SKI: variants seen among roughly 807,000 people sequenced by gnomAD.
SKI encodes ski oncogene.
SKI carries 23 observed loss-of-function variants against 59.3 expected under a neutral mutation model. The ratio of observed to expected loss-of-function variants is 0.39; its 90% CI spans 0.28 to 0.55. The LOEUF (loss-of-function observed/expected upper bound fraction) is 0.55. Among genes scored for constraint, SKI ranks in the 20% least tolerant of loss-of-function variants. The pLI, the probability that SKI is intolerant of heterozygous loss-of-function variation, is 0.67. For missense variants in SKI, 1,017 were observed against 1,038.9 expected (o/e 0.98, Z 0.29); for synonymous variants, 673 against 488.6 (o/e 1.38, Z -4.98).
rs541159080 is a variant in SKI at position 2,230,698 on chromosome 1, C to T, written c.969+963C>T. Among the ~76,000 whole-genome samples the T allele has an allele frequency of 2.0e-3, 302 of 152,310 alleles. 7 individuals carry two copies. Among genetic ancestry groups the T allele is most frequent in the East Asian group, 7.7e-4 (4 of 5,178 alleles). ...TCCTCAGGAACTTTCCGTTGCGTAC[C>T]TCCCCAAGTATTTGTAACTTTTCTT... On this transcript the variant is annotated intron_variant, in intron 1 of 6. Transcript: ENST00000378536.
chr1:2,264,754 T>C (rs1639463330), intron 1 of SKI, among the ~76,000 whole-genome samples: 1 of 152,126 alleles, frequency 6.6e-6, no homozygotes, highest in South Asian at 2.1e-4. Flanking sequence ...GCATGCGTGC[T>C]TCCAGAGAGA....
At chr1:2,290,088 T>C (rs1350580062) in intron 1 of SKI, among the ~76,000 whole-genome samples, 1 of 152,088 alleles carries the variant, frequency 6.6e-6, no homozygotes, top group Non-Finnish European at 1.5e-5. Flanking sequence ...TGGTCAGGGA[T>C]GTTCCTAGAG....
intron 5 of SKI, among the ~76,000 whole-genome samples, chr1:2,305,221 T>TA (rs1640539531): frequency 6.6e-6 from 1 of 152,204 alleles, no homozygotes; most frequent in Non-Finnish European, 1.5e-5. Flanking sequence ...CGCCTCCTTT[T>TA]ACGTTGTTTA....
intron 5 of SKI, among the ~76,000 whole-genome samples, chr1:2,305,170 G>A (rs2100921698): frequency 6.6e-6 from 1 of 152,314 alleles, no homozygotes; most frequent in East Asian, 1.9e-4. Context: ...CTGCTTCTCT[G>A]GGCTCTGCCT....
intron 1 of SKI, among the ~76,000 whole-genome samples, chr1:2,265,000 C>T (rs963749658): frequency 2.6e-5 from 4 of 152,020 alleles, no homozygotes; most frequent in African/African-American, 4.8e-5. Flanking sequence ...TTAGTAGAGA[C>T]GGGGTTTCTC....
intron 1 of SKI, among the ~76,000 whole-genome samples, chr1:2,271,827 G>A (rs968559495): frequency 6.6e-6 from 1 of 152,202 alleles, no homozygotes; most frequent in Non-Finnish European, 1.5e-5. Flanking sequence ...AGGAGATTCT[G>A]ACATTGTGCG....
rs878978498 is a variant in SKI at position 2,307,903 on chromosome 1, G to C, written c.*1138G>C. On this transcript the variant is annotated 3_prime_UTR_variant, in exon 7 of 7. Transcript: ENST00000378536. ...AACGAAAATGCAAAAACTGAACTTC[G>C]GGGGTCGTTCTGTGCCTTCCAGCAT... 1 of 152,472 alleles carries C rather than the reference G, an allele frequency of 6.6e-6. No individual in the cohort carries two copies. The highest frequency in any genetic ancestry group is 1.5e-5 in the Non-Finnish European group (1 of 68,034). The allele number at this position is 152,472 out of a possible 1,614,324, so 9.4% of individuals were successfully genotyped here. A position where few individuals can be genotyped will look rare whatever the true frequency, so the allele number is the denominator to read the frequency against.
chr1:2,233,950 C>T (rs1638698308), intron 1 of SKI, among the ~76,000 whole-genome samples: 1 of 152,198 alleles, frequency 6.6e-6, no homozygotes, highest in African/African-American at 2.4e-5. Context: ...ACTTCGGGGG[C>T]TATCTGTCCC....
chr1:2,237,099 C>T (rs1056454819), intron 1 of SKI, among the ~76,000 whole-genome samples: 1 of 152,180 alleles, frequency 6.6e-6, no homozygotes, highest in African/African-American at 2.4e-5. Context: ...TGTGGCCCTT[C>T]CCGACCAGAC....
At chr1:2,249,293 C>T (rs1402267521) in intron 1 of SKI, among the ~76,000 whole-genome samples, 1 of 152,178 alleles carries the variant, frequency 6.6e-6, no homozygotes, top group African/African-American at 2.4e-5. Context: ...AGGCTGAGGA[C>T]GTGTGAGGCT....
chr1:2,266,796 C>G (rs16824950), intron 1 of SKI, among the ~76,000 whole-genome samples: 10 of 152,128 alleles, frequency 6.6e-5, no homozygotes, highest in Non-Finnish European at 1.5e-4. Context: ...TCACAGCGGC[C>G]GGATATCTGT....
Position 2,306,205 on chromosome 1 carries a change from C to T in SKI, c.1953C>T (p.Asp651=). ...LEQARQARVC[D]KGCEAGRLRA... Reference sequence around the variant, plus strand: ...AGGCGCGGCAGGCCCGGGTGTGCGACAAGGGCTGCGAGGCGGGCCGCCTGC... The same window carrying T: ...AGGCGCGGCAGGCCCGGGTGTGCGATAAGGGCTGCGAGGCGGGCCGCCTGC... The change falls in exon 6 of 7, where the codon GAC becomes GAT. Residue 651 remains aspartate, a synonymous_variant. Transcript: ENST00000378536. The T allele has an allele frequency of 1.3e-6, 2 of 1,579,682 alleles. No individual in the cohort carries two copies. The highest frequency in any genetic ancestry group is 1.8e-5 in the Admixed American group (1 of 54,526).
intron 1 of SKI, among the ~76,000 whole-genome samples, chr1:2,279,415 GT>G (rs983035771): frequency 3.3e-5 from 5 of 152,210 alleles, no homozygotes; most frequent in Admixed American, 6.5e-5. Context: ...AGTCTTGTGT[GT>G]GTGGTGGGGC....
At position 2,233,493 on chromosome 1, in the gene SKI, TGC is replaced by T. The variant is rs372612929; in HGVS notation, c.969+3761_969+3762del. 1.5e-4 allele frequency among the ~76,000 whole-genome samples: 23 copies of T among 152,212 alleles called. No homozygotes were observed. In the East Asian group the frequency reaches 2.7e-3, roughly 18 times the overall value. On this transcript the variant is annotated intron_variant, in intron 1 of 6. Coordinates refer to ENST00000378536, the MANE Select transcript of SKI (RefSeq NM_003036.4). Reference sequence around the variant, plus strand: ...GGGGTCTTGCAGGTCCCCTTGCCCTTGCGCTGTGTGGGCTGGCGTGGGTCTCA... The same window carrying T: ...GGGGTCTTGCAGGTCCCCTTGCCCTTGCTGTGTGGGCTGGCGTGGGTCTCA...
At chr1:2,295,214 G>T (rs377538877) in intron 1 of SKI, among the ~76,000 whole-genome samples, 1 of 152,236 alleles carries the variant, frequency 6.6e-6, no homozygotes, top group African/African-American at 2.4e-5. Context: ...GCAGCCCTGC[G>T]CCAGGAGCTG....
At chr1:2,286,456 A>G (rs1379786933) in intron 1 of SKI, among the ~76,000 whole-genome samples, 1 of 152,214 alleles carries the variant, frequency 6.6e-6, no homozygotes, top group African/African-American at 2.4e-5. Context: ...TGATGATGCT[A>G]CCGCACTCAG....
intron 1 of SKI, among the ~76,000 whole-genome samples, chr1:2,272,465 C>T (rs956288450): frequency 9.2e-5 from 14 of 152,258 alleles, no homozygotes; most frequent in African/African-American, 3.1e-4. Flanking sequence ...GTCTGCAGCT[C>T]CCAGCGGCAC....
intron 1 of SKI, among the ~76,000 whole-genome samples, chr1:2,297,809 G>A (rs575764245): frequency 4.6e-4 from 70 of 152,248 alleles, no homozygotes; most frequent in Non-Finnish European, 9.0e-4. Flanking sequence ...GCGTGGGCCC[G>A]CCCGGTGTGC....
intron 1 of SKI, among the ~76,000 whole-genome samples, chr1:2,273,221 C>G (rs1639667573): frequency 6.6e-6 from 1 of 152,222 alleles, no homozygotes; most frequent in Non-Finnish European, 1.5e-5. Context: ...CTCCCGGCCC[C>G]TCCTCCTTCC....
Sources: gnomAD v4.1 joint callset for allele counts (sites outside exome capture counted in the v4.1 genomes callset) on GRCh38, gnomAD v4.1.1 for gene constraint, MANE v1.5 for transcripts, NCBI Gene and HGNC (gene_info 2026-07-23, HGNC 2026-07-21) for gene names.